Variants in NCAM2 observed in about 807,000 individuals in gnomAD.
NCAM2 encodes neural cell adhesion molecule 2.
A neutral mutation model predicts 98.1 loss-of-function variants in NCAM2; 30 were observed. The observed-to-expected ratio is 0.31, with a 90% CI of 0.23 to 0.41. NCAM2 has a LOEUF of 0.41. Ranked by LOEUF, NCAM2 falls within the 10% of genes least tolerant of loss-of-function variation. The pLI is 1.00. For synonymous variants in NCAM2, 368 were observed against 342.4 expected, an observed-to-expected ratio of 1.07 and a Z score of -0.83; for missense variants, 867 against 1,005.8, an observed-to-expected ratio of 0.86 and a Z score of 1.87.
intron 12 of NCAM2, among the ~76,000 whole-genome samples, chr21:21,453,217 G>C (rs902661702): frequency 6.7e-6 from 1 of 149,294 alleles, no homozygotes; most frequent in Non-Finnish European, 1.5e-5. Context: ...ATGAAGCAGA[G>C]CAAGATGCTG....
At chr21:21,341,469 A>G (rs2075034261) in intron 8 of NCAM2, among the ~76,000 whole-genome samples, 1 of 152,174 alleles carries the variant, frequency 6.6e-6, no homozygotes, top group Non-Finnish European at 1.5e-5. Context: ...GATCTTAACC[A>G]ATTAGTTGAC....
At chr21:21,170,028 A>G (rs1231845237) in intron 1 of NCAM2, among the ~76,000 whole-genome samples, 2 of 152,180 alleles carry the variant, frequency 1.3e-5, no homozygotes, top group Non-Finnish European at 2.9e-5. Context: ...ATGTCATTAG[A>G]GAATTATAAA....
intron 9 of NCAM2, among the ~76,000 whole-genome samples, chr21:21,402,852 G>T (rs567008656): frequency 1.3e-5 from 2 of 152,022 alleles, no homozygotes; most frequent in African/African-American, 2.4e-5. Context: ...AGGTAGTTCC[G>T]TTTTTAATTT....
At chr21:21,159,372 C>T (rs1222935343) in intron 1 of NCAM2, among the ~76,000 whole-genome samples, 1 of 152,008 alleles carries the variant, frequency 6.6e-6, no homozygotes, top group Non-Finnish European at 1.5e-5. Flanking sequence ...ACAGTCAAGT[C>T]CTAGACAATC....
At chr21:21,119,090 A>T (rs1331214257) in intron 1 of NCAM2, among the ~76,000 whole-genome samples, 2 of 152,056 alleles carry the variant, frequency 1.3e-5, no homozygotes, top group African/African-American at 4.8e-5. Flanking sequence ...TCAGAAGTTC[A>T]ACTGTCATTT....
At chr21:21,308,595 G>T (rs1285006535) in intron 5 of NCAM2, among the ~76,000 whole-genome samples, 1 of 151,944 alleles carries the variant, frequency 6.6e-6, no homozygotes, top group African/African-American at 2.4e-5. Flanking sequence ...ATTATACCTT[G>T]GTGAAGCTTT....
At chr21:21,208,226 G>A (rs545857313) in intron 1 of NCAM2, among the ~76,000 whole-genome samples, 1 of 152,112 alleles carries the variant, frequency 6.6e-6, no homozygotes, top group Non-Finnish European at 1.5e-5. Context: ...AATAAAAAAT[G>A]TTTAAAGTGG....
chr21:21,290,939 A>T (rs189298598), intron 4 of NCAM2, among the ~76,000 whole-genome samples: 1 of 151,896 alleles, frequency 6.6e-6, no homozygotes, highest in Non-Finnish European at 1.5e-5. Context: ...CCTTTCCACG[A>T]TCAGGCTGAT....
At chr21:21,016,763 T>G (rs1385697280) in intron 1 of NCAM2, among the ~76,000 whole-genome samples, 1 of 152,242 alleles carries the variant, frequency 6.6e-6, no homozygotes, top group Admixed American at 6.5e-5. Context: ...GTTTTACAAA[T>G]AAGGAAATTA....
At chr21:21,038,375 C>T (rs2064839138) in intron 1 of NCAM2, among the ~76,000 whole-genome samples, 1 of 152,132 alleles carries the variant, frequency 6.6e-6, no homozygotes, top group Non-Finnish European at 1.5e-5. Context: ...TCTACTGTCA[C>T]TCTTTGATAT....
intron 5 of NCAM2, among the ~76,000 whole-genome samples, chr21:21,295,692 A>G (rs1272384436): frequency 6.6e-6 from 1 of 151,878 alleles, no homozygotes; most frequent in African/African-American, 2.4e-5. Context: ...ACACAGGAGG[A>G]GCAGATTACA....
intron 1 of NCAM2, among the ~76,000 whole-genome samples, chr21:21,100,884 G>A (rs1219023739): frequency 1.3e-5 from 2 of 152,012 alleles, no homozygotes; most frequent in Admixed American, 6.6e-5. Flanking sequence ...CTCTCTGAAT[G>A]TTACAAATAG....
chr21:21,269,017 T>G (rs2072397730), intron 1 of NCAM2, among the ~76,000 whole-genome samples: 1 of 152,130 alleles, frequency 6.6e-6, no homozygotes, highest in Non-Finnish European at 1.5e-5. Flanking sequence ...CAGGCTAGAA[T>G]CATCCAAGAT....
chr21:21,229,748 T>A (rs2070545230), intron 1 of NCAM2, among the ~76,000 whole-genome samples: 1 of 151,374 alleles, frequency 6.6e-6, no homozygotes, highest in Non-Finnish European at 1.5e-5. Flanking sequence ...CAATAAGTAT[T>A]TAGTGAATCC....
At chr21:21,294,023 G>T (rs555534480) in intron 5 of NCAM2, among the ~76,000 whole-genome samples, 30 of 151,442 alleles carry the variant, frequency 2.0e-4, no homozygotes, top group Non-Finnish European at 4.0e-4. Context: ...TATCCAGCAG[G>T]CATAGTAACC....
rs528652841 is a variant in NCAM2, at chr21:21,338,996, G to T, written c.1044+462G>T. On this transcript the variant is annotated intron_variant, in intron 8 of 17. Transcript: ENST00000400546. The stretch of plus-strand genomic sequence containing the variant: ...AGCAATTTCAGTTTCTTAAAGAAAT[G>T]ATTGTATATTTAGAAAACACTGTGG... Among the ~76,000 whole-genome samples, 15 of 152,238 alleles carry T rather than the reference G, an allele frequency of 9.9e-5. No individual in the cohort carries two copies. In the South Asian group the frequency reaches 2.7e-3, roughly 27 times the overall value.
At chr21:21,209,346 G>A (rs1165574024) in intron 1 of NCAM2, among the ~76,000 whole-genome samples, 1 of 152,180 alleles carries the variant, frequency 6.6e-6, no homozygotes, top group African/African-American at 2.4e-5. Flanking sequence ...TTCCCAGATA[G>A]CTCCGACTAT....
intron 1 of NCAM2, among the ~76,000 whole-genome samples, chr21:21,236,646 A>C (rs929532247): frequency 1.3e-5 from 2 of 152,060 alleles, no homozygotes; most frequent in African/African-American, 4.8e-5. Flanking sequence ...AAGTGAGATA[A>C]ACTTGGGTCT....
intron 1 of NCAM2, among the ~76,000 whole-genome samples, chr21:21,218,265 T>A (rs1007305132): frequency 6.6e-6 from 1 of 152,186 alleles, no homozygotes; most frequent in Non-Finnish European, 1.5e-5. Flanking sequence ...AAAGTTAAGT[T>A]ACCAGATTCC....
Sources: gnomAD v4.1 joint callset for allele counts (sites outside exome capture counted in the v4.1 genomes callset) on GRCh38, gnomAD v4.1.1 for gene constraint, MANE v1.5 for transcripts, NCBI Gene and HGNC (gene_info 2026-07-23, HGNC 2026-07-21) for gene names.